DMBT1: variants seen among roughly 807,000 people sequenced by gnomAD.
DMBT1 encodes the protein deleted in malignant brain tumors 1, also known as scavenger receptor cysteine-rich domain-containing protein DMBT1.
A neutral mutation model predicts 252.9 loss-of-function variants in DMBT1; 198 were observed. The observed-to-expected ratio is 0.78, with a 90% confidence interval of 0.70 to 0.88. The LOEUF is 0.88. Ranked by LOEUF, DMBT1 falls within the 40% of genes least tolerant of loss-of-function variation. The pLI is 0.00. For synonymous variants in DMBT1, 990 were observed against 942.7 expected (o/e 1.05, Z -0.92); for missense variants, 2,432 against 2,404.7 (o/e 1.01, Z -0.24).
chr10:122,577,673 TG>T, intron 7 of DMBT1, 137 bp from the exon 8 acceptor site: 3 of 896,098 alleles, frequency 3.3e-6, no homozygotes, highest in South Asian at 1.7e-5. Context: ...GGCTTCACGG[TG>T]GGCACTGGCA....
rs532601906 is a variant in DMBT1 at position 122,633,024 on chromosome 10, G to A, written c.6397+134G>A. On this transcript the variant is annotated intron_variant, in intron 51 of 55. Coordinates refer to ENST00000338354, the MANE Select transcript of DMBT1 (RefSeq NM_001377530.1). ...GTCTCCCTGCAAGAGTGCCCTGCCAGCCCTCAGTGGACGGTCCAGATCTAG... is the reference window on the plus strand; with the variant it reads ...GTCTCCCTGCAAGAGTGCCCTGCCAACCCTCAGTGGACGGTCCAGATCTAG... 729 of 1,515,916 alleles carry A rather than the reference G, an allele frequency of 4.8e-4. 8 individuals are homozygous for A. In the South Asian group the frequency reaches 6.8e-3, roughly 14 times the overall value. The allele number at this position is 1,515,916 out of a possible 1,614,324, so 93.9% of individuals were successfully genotyped here.
chr10:122,579,061 C>T (rs1466111634), intron 9 of DMBT1, among the ~76,000 whole-genome samples: 2 of 152,052 alleles, frequency 1.3e-5, no homozygotes, highest in Non-Finnish European at 2.9e-5. Context: ...TCTGAAAACC[C>T]AGAATTAGAT....
At chr10:122,575,844 T>C (rs2097707351) in intron 6 of DMBT1, among the ~76,000 whole-genome samples, 1 of 152,188 alleles carries the variant, frequency 6.6e-6, no homozygotes, top group Non-Finnish European at 1.5e-5. Flanking sequence ...GCCTGTGTGC[T>C]TTGGAAGCAG....
Position 122,618,191 on chromosome 10 carries a change from G to C in DMBT1, c.5066G>C (p.Gly1689Ala). Residue 1689 changes from glycine to alanine, a missense_variant, in exon 41 of 56, where the codon GGA becomes GCA. Physicochemically the swap from Gly to Ala is moderately conservative, Grantham distance 60. Coordinates refer to ENST00000338354, the MANE Select transcript of DMBT1 (RefSeq NM_001377530.1). ...LGCGWAMSAP[G>A]NAQFGQGSGP... ...TGTGGCTGGGCCATGTCAGCCCCAG[G>C]AAATGCCCAGTTTGGCCAGGGCTCA... 6.2e-7 allele frequency: 1 copy of C among 1,613,908 alleles called. No homozygotes were observed. Among genetic ancestry groups the C allele is most frequent in the Non-Finnish European group, 8.5e-7 (1 of 1,179,842 alleles).
chr10:122,617,965 A>G, intron 40 of DMBT1, 52 bp from the exon 41 acceptor site: 1 of 1,606,030 alleles, frequency 6.2e-7, no homozygotes. Flanking sequence ...CTTGCCTTAG[A>G]TTGTTGACCT....
In DMBT1 at chr10:122,632,851, T is replaced by C; in HGVS notation, c.6368-10T>C. The C allele has an allele frequency of 6.2e-7, 1 of 1,613,738 alleles. No homozygotes were observed. ...GAAAACTGATCCTGATCTTTTCTTT[T>C]TGTCAACAGCTCCTTTTCTCAACAT... is the stretch of plus-strand genomic sequence containing the variant. On this transcript the variant is annotated splice_polypyrimidine_tract_variant and intron_variant, in intron 50 of 55. Coordinates refer to ENST00000338354, the MANE Select transcript of DMBT1 (RefSeq NM_001377530.1).
At position 122,598,956 on chromosome 10, in the gene DMBT1, C is replaced by G. The variant is rs374888022; in HGVS notation, c.3139C>G (p.Arg1047Gly). Residue 1047 changes from arginine (R) to glycine (G), a missense_variant, in exon 26 of 56, where the codon CGG becomes GGG. Physicochemically the swap from Arg to Gly is moderately radical, Grantham distance 125. This residue lies in a region of DMBT1 where 1,264 missense variants were observed against 1,082.2 expected (regional missense o/e 1.17). Transcript: ENST00000338354. ...GGCCATGTCAGCCCCAGGAAATGCC[C>G]GGTTTGGTCAGGGCTCAGGACCCAT... ...GWAMSAPGNA[R>G]FGQGSGPIVL... 2 of 1,613,646 alleles carry G rather than the reference C, an allele frequency of 1.2e-6. No individual in the cohort carries two copies. Among genetic ancestry groups the G allele is most frequent in the African/African-American group, 1.3e-5 (1 of 74,916 alleles).
intron 10 of DMBT1, 109 bp from the exon 11 acceptor site, chr10:122,580,757 A>C: frequency 7.0e-7 from 1 of 1,435,650 alleles, no homozygotes; most frequent in Non-Finnish European, 9.8e-7. Context: ...TGTGATAGGA[A>C]CTAGGATGGA....
At chr10:122,562,439 G>T (rs554903062) in intron 1 of DMBT1, among the ~76,000 whole-genome samples, 147 of 152,296 alleles carry the variant, frequency 9.7e-4, no homozygotes, top group African/African-American at 3.2e-3. Flanking sequence ...AGTGTGTGGA[G>T]GGACTGGGGG....
intron 16 of DMBT1, among the ~76,000 whole-genome samples, chr10:122,587,704 G>A (rs1038210647): frequency 6.7e-6 from 1 of 148,628 alleles, no homozygotes; most frequent in Admixed American, 6.7e-5. Context: ...CAGAGGCCGT[G>A]CTCAGGCAAG....
At chr10:122,597,936 A>C in intron 24 of DMBT1, 38 bp from the exon 25 acceptor site, 1 of 1,613,806 alleles carries the variant, frequency 6.2e-7, no homozygotes, top group Middle Eastern at 1.7e-4. Flanking sequence ...TTTCACCATC[A>C]ACTTTAATTC....
intron 54 of DMBT1, among the ~76,000 whole-genome samples, chr10:122,638,139 C>G (rs945885409): frequency 2.0e-5 from 3 of 152,186 alleles, no homozygotes; most frequent in Non-Finnish European, 2.9e-5. Flanking sequence ...TTGTCATACT[C>G]CCCCAGTGAA....
In DMBT1 at chr10:122,592,316, A is replaced by T; in HGVS notation, c.2221A>T (p.Arg741Trp). The change falls in exon 20 of 56, where the codon AGG (arginine) becomes TGG (tryptophan). Residue 741 changes from arginine (R) to tryptophan (W), a missense_variant. By Grantham distance (101) the Arg-to-Trp change is moderately radical. Around this residue, in one of 3 missense-constraint regions of DMBT1, gnomAD observed 1,264 missense variants for 1,082.2 expected, o/e 1.17. Transcript: ENST00000338354. The part of the protein sequence containing the change: ...LTLRLVNGSD[R>W]CQGRVEVLYR... Reference sequence around the variant, plus strand: ...CCTGAGGCTGGTGAATGGAAGTGACAGGTGTCAGGGCCGAGTAGAGGTCCT... The same window carrying T: ...CCTGAGGCTGGTGAATGGAAGTGACTGGTGTCAGGGCCGAGTAGAGGTCCT... 1 of 1,587,748 alleles carries T rather than the reference A, an allele frequency of 6.3e-7. No homozygotes were observed. Among genetic ancestry groups the T allele is most frequent in the Non-Finnish European group, 8.6e-7 (1 of 1,165,660 alleles).
At chr10:122,566,665 A>G (rs1366167873) in intron 2 of DMBT1, among the ~76,000 whole-genome samples, 5 of 152,198 alleles carry the variant, frequency 3.3e-5, no homozygotes, top group African/African-American at 1.2e-4. Context: ...AACATCTACC[A>G]AGCACTTGTT....
At chr10:122,599,720 C>T (rs1203410633) in intron 26 of DMBT1, among the ~76,000 whole-genome samples, 1 of 152,214 alleles carries the variant, frequency 6.6e-6, no homozygotes, top group Non-Finnish European at 1.5e-5. Flanking sequence ...TGCCTGTGAT[C>T]AGGGCTTGAG....
At chr10:122,619,088 C>A (rs1322389991) in intron 41 of DMBT1, among the ~76,000 whole-genome samples, 1 of 152,178 alleles carries the variant, frequency 6.6e-6, no homozygotes. Flanking sequence ...TGGGCAGACA[C>A]AAAGTTACTC....
chr10:122,637,032 G>T, intron 53 of DMBT1, 96 bp from the exon 54 acceptor site: 2 of 1,207,030 alleles, frequency 1.7e-6, no homozygotes, highest in Non-Finnish European at 2.4e-6. Context: ...AGCCACCCTG[G>T]TCTGTGCACT....
At chr10:122,573,658 C>A (rs1295705151) in intron 5 of DMBT1, 57 bp from the exon 6 acceptor site, 2 of 1,599,522 alleles carry the variant, frequency 1.3e-6, no homozygotes, top group Non-Finnish European at 1.7e-6. Flanking sequence ...AGCCCTGGAC[C>A]AACCCTCCCC....
chr10:122,636,207 C>A lies in DMBT1; in HGVS notation c.6757+8C>A. ...CCTCCAATGACAGCACCAGTAAGTC[C>A]CCTTGTGGAAATGCTCTGTTGGGAC... On this transcript the variant is annotated splice_region_variant and intron_variant, in intron 53 of 55. Transcript: ENST00000338354. 2 of 1,609,346 alleles carry A rather than the reference C, an allele frequency of 1.2e-6. No homozygotes were observed. The highest frequency in any genetic ancestry group is 1.7e-6 in the Non-Finnish European group (2 of 1,176,372).
Sources: allele counts gnomAD v4.1 joint callset (sites outside exome capture counted in the v4.1 genomes callset), GRCh38; gene constraint gnomAD v4.1.1; regional missense constraint gnomAD v4.1.1; transcripts MANE v1.5; gene names NCBI Gene and HGNC (gene_info 2026-07-23, HGNC 2026-07-21).